DACH1: variants seen among roughly 807,000 people sequenced by gnomAD.
DACH1 encodes dachshund homolog 1.
A neutral mutation model predicts 54.2 loss-of-function variants in DACH1; 12 were observed. The observed-to-expected ratio is 0.22, with a 90% CI of 0.14 to 0.36. The LOEUF is 0.36. Among genes scored for constraint, DACH1 ranks in the 10% least tolerant of loss-of-function variants. The pLI, the probability that DACH1 is intolerant of heterozygous loss-of-function variation, is 1.00. For missense variants in DACH1, 805 were observed against 929.8 expected, an observed-to-expected ratio of 0.87 and a Z score of 1.75; for synonymous variants, 386 against 366.2, an observed-to-expected ratio of 1.05 and a Z score of -0.62.
chr13:71,643,843 C>G (rs1878081893), intron 2 of DACH1, among the ~76,000 whole-genome samples: 1 of 151,132 alleles, frequency 6.6e-6, no homozygotes, highest in South Asian at 2.1e-4. Context: ...CTTCCTAGCT[C>G]AGGGAAAGAA....
At chr13:71,788,022 T>G (rs923193192) in intron 1 of DACH1, among the ~76,000 whole-genome samples, 1 of 152,144 alleles carries the variant, frequency 6.6e-6, no homozygotes, top group Non-Finnish European at 1.5e-5. Context: ...GTTTAACTGA[T>G]ATTTATACAG....
At chr13:71,678,642 TTC>T (rs202201992) in intron 2 of DACH1, among the ~76,000 whole-genome samples, 2 of 150,266 alleles carry the variant, frequency 1.3e-5, no homozygotes, top group Non-Finnish European at 3.0e-5. Context: ...TTTTCTTCCT[TTC>T]TCTCTCTTTC....
chr13:71,777,800 G>C (rs12428191), intron 1 of DACH1, among the ~76,000 whole-genome samples: 48,937 of 151,712 alleles, frequency 0.32, 8,625 homozygotes, highest in African/African-American at 0.45. Flanking sequence ...CATTCATATT[G>C]AGTATATATG....
intron 1 of DACH1, among the ~76,000 whole-genome samples, chr13:71,703,600 G>T (rs963470161): frequency 6.6e-6 from 1 of 152,198 alleles, no homozygotes; most frequent in African/African-American, 2.4e-5. Flanking sequence ...AAAATGAAGA[G>T]CATATGTATG....
chr13:71,763,893 A>G (rs983433413), intron 1 of DACH1, among the ~76,000 whole-genome samples: 1 of 152,214 alleles, frequency 6.6e-6, no homozygotes, highest in Admixed American at 6.5e-5. Context: ...AATAACATCC[A>G]GGGGCAAAAT....
intron 1 of DACH1, among the ~76,000 whole-genome samples, chr13:71,716,573 A>T (rs1882977641): frequency 6.6e-6 from 1 of 152,038 alleles, no homozygotes; most frequent in African/African-American, 2.4e-5. Flanking sequence ...CTTCTTCCCT[A>T]ATCTTCCCAA....
chr13:71,615,662 C>T (rs1875705666), intron 3 of DACH1, among the ~76,000 whole-genome samples: 1 of 152,066 alleles, frequency 6.6e-6, no homozygotes, highest in African/African-American at 2.4e-5. Context: ...ATCCATAAGA[C>T]ACTCTTTGGA....
chr13:71,853,388 T>C (rs1257996544), intron 1 of DACH1, among the ~76,000 whole-genome samples: 4 of 152,200 alleles, frequency 2.6e-5, no homozygotes, highest in Non-Finnish European at 5.9e-5. Flanking sequence ...GTCTGTGCTT[T>C]TGGTGTGAAC....
intron 10 of DACH1, among the ~76,000 whole-genome samples, chr13:71,452,129 G>A (rs893511049): frequency 1.6e-4 from 24 of 151,876 alleles, no homozygotes; most frequent in Non-Finnish European, 5.9e-5. Flanking sequence ...TTTTTGTATT[G>A]TTTTGTTTTG....
chr13:71,547,339 T>C (rs978117713), intron 6 of DACH1, among the ~76,000 whole-genome samples: 1 of 152,140 alleles, frequency 6.6e-6, no homozygotes, highest in Non-Finnish European at 1.5e-5. Context: ...ATTAGGAATG[T>C]AATATCTAAA....
intron 1 of DACH1, among the ~76,000 whole-genome samples, chr13:71,792,077 C>T (rs1019959924): frequency 2.0e-5 from 3 of 152,072 alleles, no homozygotes; most frequent in Non-Finnish European, 4.4e-5. Context: ...TTCTTCTTAG[C>T]TTCTTATCCT....
Position 71,789,865 on chromosome 13 carries a change from A to C in DACH1, c.848+76057T>G, listed in dbSNP as rs527322425. Among the ~76,000 whole-genome samples, 28 of 152,300 alleles carry C rather than the reference A, an allele frequency of 1.8e-4. No homozygotes were observed. In the South Asian group the frequency reaches 5.6e-3, roughly 30 times the overall value. On this transcript the variant is annotated intron_variant, in intron 1 of 10. Transcript: ENST00000613252. ...TATTCATCTGTAACAACAACAACAA[A>C]AAATGTGTTTCTCAGGGTCTGTGAC...
intron 1 of DACH1, among the ~76,000 whole-genome samples, chr13:71,690,870 G>A (rs1052991305): frequency 2.0e-5 from 3 of 152,148 alleles, no homozygotes; most frequent in African/African-American, 7.2e-5. Flanking sequence ...AATTTGAGGT[G>A]GCACAGAGCT....
chr13:71,477,080 T>TTATATATATA (rs1555285118), intron 8 of DACH1, among the ~76,000 whole-genome samples: 18 of 46,256 alleles, frequency 3.9e-4, no homozygotes, highest in African/African-American at 1.0e-3. Context: ...GTTTTTATTA[T>TTATATATATA]TATATATATA....
Position 71,828,316 on chromosome 13 carries a change from G to C in DACH1, c.848+37606C>G, listed in dbSNP as rs572576604. Among the ~76,000 whole-genome samples, 5 of 151,994 alleles carry C rather than the reference G, an allele frequency of 3.3e-5. No homozygotes were observed. In the East Asian group the frequency reaches 7.7e-4, roughly 24 times the overall value. On this transcript the variant is annotated intron_variant, in intron 1 of 10. Coordinates refer to ENST00000613252, the MANE Select transcript of DACH1 (RefSeq NM_080759.6). ...GCGTTACAGGGTAACGGAAAGGCTC[G>C]GGACAGAGTGATAAGATCTGTGTCT... is the stretch of plus-strand genomic sequence containing the variant.
At chr13:71,854,756 G>T (rs1254234900) in intron 1 of DACH1, among the ~76,000 whole-genome samples, 1 of 152,036 alleles carries the variant, frequency 6.6e-6, no homozygotes, top group Non-Finnish European at 1.5e-5. Context: ...CAATAGCCAT[G>T]TTAAATCACC....
At chr13:71,724,410 T>A (rs1291429304) in intron 1 of DACH1, among the ~76,000 whole-genome samples, 2 of 152,150 alleles carry the variant, frequency 1.3e-5, no homozygotes, top group Admixed American at 6.5e-5. Flanking sequence ...ATTAAATTTA[T>A]AATAACTAAA....
intron 1 of DACH1, among the ~76,000 whole-genome samples, chr13:71,830,483 T>A (rs1888544063): frequency 6.6e-6 from 1 of 151,828 alleles, no homozygotes; most frequent in African/African-American, 2.4e-5. Flanking sequence ...CTAGAGAAAG[T>A]CTAAGGCAAA....
intron 3 of DACH1, among the ~76,000 whole-genome samples, chr13:71,593,051 C>T (rs1480811684): frequency 3.3e-5 from 5 of 152,030 alleles, no homozygotes. Context: ...GAGCACCTCA[C>T]CACAGAAAAA....
Sources: gnomAD v4.1 joint callset for allele counts (sites outside exome capture counted in the v4.1 genomes callset) on GRCh38, gnomAD v4.1.1 for gene constraint, MANE v1.5 for transcripts, NCBI Gene and HGNC (gene_info 2026-07-23, HGNC 2026-07-21) for gene names.